Variants in POC1B observed in about 807,000 individuals in gnomAD.
The protein encoded by POC1B is POC1 centriolar protein homolog B.
A neutral mutation model predicts 60.6 loss-of-function variants in POC1B; 44 were observed. The observed-to-expected ratio is 0.73, with a 90% CI of 0.57 to 0.93. The LOEUF is 0.93. POC1B is among the 40% of genes least tolerant of loss of function. The probability of loss-of-function intolerance (pLI) is 0.00; values close to 1 mark genes in which losing one functional copy is unlikely to be tolerated. For missense variants in POC1B, 555 were observed against 572.3 expected (o/e 0.97, Z 0.31); for synonymous variants, 180 against 198.9 (o/e 0.90, Z 0.80).
intron 2 of POC1B, chr12:89,519,546 G>A (rs10858893): frequency 0.72 from 110,375 of 152,488 alleles, 40,041 homozygotes; most frequent in Middle Eastern, 0.82. Flanking sequence ...GAACTTCAAC[G>A]TTCTTTGTGC....
intron 2 of POC1B, chr12:89,523,253 G>T: frequency 6.2e-7 from 1 of 1,614,028 alleles, no homozygotes. Flanking sequence ...TGTAAATTAG[G>T]AAAAACGTTT....
At chr12:89,514,329 T>C (rs1870332856) in intron 2 of POC1B, among the ~76,000 whole-genome samples, 1 of 151,850 alleles carries the variant, frequency 6.6e-6, no homozygotes. Context: ...CCAGCCATGT[T>C]TCCTGTATAG....
At chr12:89,459,407 T>TAAA (rs10535587) in intron 10 of POC1B, among the ~76,000 whole-genome samples, 3 of 102,430 alleles carry the variant, frequency 2.9e-5, no homozygotes, top group Admixed American at 1.0e-4. Flanking sequence ...ACTTAAAGTA[T>TAAA]AAAAAAAAAA....
chr12:89,525,095 A>G (rs750780654), intron 2 of POC1B, 25 bp downstream of exon 2: 1 of 1,613,896 alleles, frequency 6.2e-7, no homozygotes, highest in South Asian at 1.1e-5. Context: ...TCTCATTACA[A>G]AAGCAAAACA....
chr12:89,476,771 CAGACAG>C (rs1481309451), intron 4 of POC1B, among the ~76,000 whole-genome samples: 1 of 146,884 alleles, frequency 6.8e-6, no homozygotes, highest in Non-Finnish European at 1.5e-5. Context: ...GACAGACAGA[CAGACAG>C]ACACTTTTAT....
the POC1B span, among the ~76,000 whole-genome samples, chr12:89,410,032 T>C: frequency 1.3e-5 from 2 of 152,202 alleles, no homozygotes; most frequent in Non-Finnish European, 2.9e-5. Flanking sequence ...ATATCCCTGA[T>C]GAACATCGAT....
intron 6 of POC1B, 111 bp from the exon 7 acceptor site, chr12:89,470,605 A>G (rs1399184875): frequency 3.5e-6 from 3 of 857,734 alleles, no homozygotes; most frequent in Non-Finnish European, 5.0e-6. Flanking sequence ...TTTCCACAAC[A>G]ACAAAACTCT....
intron 10 of POC1B, among the ~76,000 whole-genome samples, chr12:89,440,971 T>G (rs2120722505): frequency 6.6e-6 from 1 of 152,374 alleles, no homozygotes; most frequent in African/African-American, 2.4e-5. Flanking sequence ...GATTATATCC[T>G]GCACATGGCT....
At chr12:89,482,372 T>C (rs1351865016) in intron 4 of POC1B, among the ~76,000 whole-genome samples, 3 of 152,102 alleles carry the variant, frequency 2.0e-5, no homozygotes, top group African/African-American at 7.2e-5. Flanking sequence ...TACATGAATC[T>C]GGAGCTTCAG....
chr12:89,484,565 A>G (rs1297297857), intron 4 of POC1B, among the ~76,000 whole-genome samples: 1 of 152,228 alleles, frequency 6.6e-6, no homozygotes, highest in African/African-American at 2.4e-5. Context: ...CTTTACATTC[A>G]TTAACTCATT....
intron 10 of POC1B, among the ~76,000 whole-genome samples, chr12:89,451,366 A>C (rs1882033731): frequency 6.6e-6 from 1 of 152,228 alleles, no homozygotes; most frequent in South Asian, 2.1e-4. Flanking sequence ...CCTGAGTAAA[A>C]GAAAAACAAA....
intron 3 of POC1B, chr12:89,496,956 G>A: frequency 1.9e-6 from 1 of 534,102 alleles, no homozygotes; most frequent in East Asian, 3.1e-5. Context: ...GACATATTAA[G>A]CATATTTCCA....
Position 89,459,700 on chromosome 12 carries a change from C to A in POC1B, c.1051G>T (p.Val351Leu). The change falls in exon 10 of 12, where the codon GTA (valine) becomes TTA (leucine). Residue 351 changes from valine (V) to leucine (L), a missense_variant. By Grantham distance (32) the Val-to-Leu change is conservative. Transcript: ENST00000313546. The part of the protein sequence containing the change: ...ETVEINPKLE[V>L]IDLQISTPPV... ...GGAGTAGAGATCTGCAAATCGATTA[C>A]CTCAAGCTTTGGATTAATCTGTGTA... 6.5e-7 allele frequency: 1 copy of A among 1,541,172 alleles called. No individual in the cohort carries two copies.
chr12:89,434,946 TA>T (rs551454396), intron 10 of POC1B, among the ~76,000 whole-genome samples: 155 of 152,306 alleles, frequency 1.0e-3, no homozygotes, highest in Non-Finnish European at 1.8e-3. Context: ...ATGTATTTAA[TA>T]TTTTTTCTAA....
intron 2 of POC1B, 32 bp downstream of exon 2, chr12:89,525,088 C>T (rs1380429006): frequency 1.2e-6 from 2 of 1,613,542 alleles, no homozygotes; most frequent in African/African-American, 1.3e-5. Flanking sequence ...AGTTTAGTCT[C>T]ATTACAAAAG....
intron 2 of POC1B, among the ~76,000 whole-genome samples, chr12:89,517,592 C>A (rs1417199692): frequency 6.6e-6 from 1 of 151,808 alleles, no homozygotes; most frequent in Non-Finnish European, 1.5e-5. Context: ...AAGATCACAC[C>A]ACTGCACTCC....
At chr12:89,452,180 G>A (rs1307132191) in intron 10 of POC1B, among the ~76,000 whole-genome samples, 4 of 152,146 alleles carry the variant, frequency 2.6e-5, no homozygotes, top group Admixed American at 6.6e-5. Context: ...CTCAGCTGTG[G>A]GAACTGGGGA....
rs59139895 is a variant in POC1B at position 89,472,277 on chromosome 12, TAGAAAGAAGA to T, written c.453-12_453-3del. The T allele has an allele frequency of 0.49, 754,313 of 1,547,452 alleles. 188,722 individuals carry two copies. Among genetic ancestry groups the T allele is most frequent in the African/African-American group, 0.66 (48,288 of 73,170 alleles). ...ATTAGTCTTCCATCGGGTGAAAATC[TAGAAAGAAGA>T]AGAAAGAAGATGTTTTATGTGAAAG... On this transcript the variant is annotated splice_polypyrimidine_tract_variant and splice_region_variant and intron_variant, in intron 4 of 11. Transcript: ENST00000313546.
In POC1B at chr12:89,426,181, T is replaced by C. The variant is rs1180810478; in HGVS notation, c.1114-802A>G. ...CTGCACTTATATGAGGTGCCTAGAA[T>C]AGGTAAATTCCTAGAGACAAAAAGT... On this transcript the variant is annotated intron_variant, in intron 10 of 11. Coordinates refer to ENST00000313546, the MANE Select transcript of POC1B (RefSeq NM_172240.3). 3 of 152,140 alleles carry C rather than the reference T, an allele frequency of 2.0e-5. No individual in the cohort carries two copies. In the East Asian group the frequency reaches 5.8e-4, roughly 29 times the overall value. The allele number at this position is 152,140 out of a possible 1,614,324, so 9.4% of individuals were successfully genotyped here.
Sources: allele counts gnomAD v4.1 joint callset (sites outside exome capture counted in the v4.1 genomes callset), GRCh38; gene constraint gnomAD v4.1.1; transcripts MANE v1.5; gene names NCBI Gene and HGNC (gene_info 2026-07-23, HGNC 2026-07-21).